Variants in NEK11 observed in about 807,000 individuals in gnomAD.
The protein encoded by NEK11 is NIMA related kinase 11.
Under a neutral mutation model 80.7 loss-of-function variants are expected in NEK11, and 72 were observed. The ratio of observed to expected loss-of-function variants is 0.89; its 90% CI spans 0.74 to 1.08. The LOEUF (loss-of-function observed/expected upper bound fraction) is 1.08, where lower values mean the gene tolerates loss of function less well. Among genes scored for constraint, NEK11 ranks in the 50% least tolerant of loss-of-function variants. NEK11 has a pLI of 0.00. For synonymous variants in NEK11, 251 were observed against 260.7 expected, an observed-to-expected ratio of 0.96 and a Z score of 0.36; for missense variants, 764 against 763.6, an observed-to-expected ratio of 1.00 and a Z score of -0.01.
intron 17 of NEK11, among the ~76,000 whole-genome samples, chr3:131,280,995 C>G (rs2096386836): frequency 6.6e-6 from 1 of 152,184 alleles, no homozygotes; most frequent in East Asian, 1.9e-4. Context: ...ATGTGAGCCC[C>G]AAGTACTATT....
intron 17 of NEK11, among the ~76,000 whole-genome samples, chr3:131,324,710 A>C (rs548909796): frequency 2.0e-5 from 3 of 152,280 alleles, no homozygotes; most frequent in African/African-American, 7.2e-5. Flanking sequence ...CAAGGGGCTT[A>C]TTTTTATGGT....
At chr3:131,166,648 C>G (rs532040189) in intron 12 of NEK11, among the ~76,000 whole-genome samples, 1 of 152,334 alleles carries the variant, frequency 6.6e-6, no homozygotes, top group East Asian at 1.9e-4. Flanking sequence ...TCCCACCCCT[C>G]TGACACACCA....
intron 17 of NEK11, among the ~76,000 whole-genome samples, chr3:131,313,165 A>G (rs995096518): frequency 6.6e-6 from 1 of 152,152 alleles, no homozygotes; most frequent in African/African-American, 2.4e-5. Context: ...CTCACTTTTT[A>G]CAGCTGCATA....
At chr3:131,345,337 C>T (rs2097346570) in intron 17 of NEK11, among the ~76,000 whole-genome samples, 1 of 152,150 alleles carries the variant, frequency 6.6e-6, no homozygotes, top group Non-Finnish European at 1.5e-5. Context: ...ACTCTTACAA[C>T]TTAACTGCAA....
At chr3:131,222,188 T>A (rs1227504234) in intron 14 of NEK11, among the ~76,000 whole-genome samples, 3 of 152,170 alleles carry the variant, frequency 2.0e-5, no homozygotes, top group African/African-American at 4.8e-5. Flanking sequence ...TAACCATAAA[T>A]AGACTTATTC....
intron 5 of NEK11, among the ~76,000 whole-genome samples, chr3:131,122,019 G>A (rs2082472217): frequency 6.6e-6 from 1 of 152,244 alleles, no homozygotes; most frequent in Non-Finnish European, 1.5e-5. Context: ...GATGAACCCG[G>A]TACCTCAGTT....
intron 3 of NEK11, among the ~76,000 whole-genome samples, chr3:131,050,888 T>G (rs534593934): frequency 3.3e-5 from 5 of 151,698 alleles, no homozygotes; most frequent in African/African-American, 1.2e-4. Context: ...ATAGTGGGCA[T>G]GGTGGCGCAT....
chr3:131,140,383 G>A (rs2149683542), intron 7 of NEK11, among the ~76,000 whole-genome samples: 1 of 152,258 alleles, frequency 6.6e-6, no homozygotes, highest in East Asian at 1.9e-4. Flanking sequence ...GCATCAGTTG[G>A]CCAGTGATGT....
At chr3:131,044,971 C>G (rs570916440) in intron 3 of NEK11, among the ~76,000 whole-genome samples, 2 of 152,310 alleles carry the variant, frequency 1.3e-5, no homozygotes, top group East Asian at 3.9e-4. Context: ...AAGAAACTCA[C>G]TCAAAACTGC....
chr3:131,334,779 A>G (rs1460433623), intron 17 of NEK11, among the ~76,000 whole-genome samples: 2 of 152,230 alleles, frequency 1.3e-5, no homozygotes, highest in Non-Finnish European at 2.9e-5. Flanking sequence ...CAAAATGATA[A>G]AGGGGATATC....
intron 14 of NEK11, among the ~76,000 whole-genome samples, chr3:131,193,372 G>A (rs1348590642): frequency 1.3e-5 from 2 of 152,126 alleles, no homozygotes; most frequent in Non-Finnish European, 2.9e-5. Context: ...GACTTCCTGA[G>A]TCTCAGAGAC....
At chr3:131,171,349 G>A (rs1436774684) in intron 14 of NEK11, among the ~76,000 whole-genome samples, 1 of 152,224 alleles carries the variant, frequency 6.6e-6, no homozygotes, top group African/African-American at 2.4e-5. Flanking sequence ...AGGGAGGCCT[G>A]TAGGATGGCT....
chr3:131,215,633 T>C (rs1247136085), intron 14 of NEK11, among the ~76,000 whole-genome samples: 1 of 152,180 alleles, frequency 6.6e-6, no homozygotes, highest in Non-Finnish European at 1.5e-5. Context: ...TCCTTTGATA[T>C]GGCACTCAGT....
At chr3:131,238,478 T>C (rs1191435842) in intron 15 of NEK11, among the ~76,000 whole-genome samples, 3 of 152,148 alleles carry the variant, frequency 2.0e-5, no homozygotes, top group African/African-American at 7.2e-5. Flanking sequence ...AGGTAGCCAA[T>C]TAGCCAGGAC....
chr3:131,334,776 A>T (rs191973796), intron 17 of NEK11, among the ~76,000 whole-genome samples: 1 of 152,368 alleles, frequency 6.6e-6, no homozygotes, highest in African/African-American at 2.4e-5. Context: ...ATACAAAATG[A>T]TAAAGGGGAT....
chr3:131,129,271 G>A (rs1341210530), intron 5 of NEK11, among the ~76,000 whole-genome samples: 1 of 151,988 alleles, frequency 6.6e-6, no homozygotes, highest in Admixed American at 6.6e-5. Context: ...AGCCAGGATG[G>A]TCTCGATCTC....
chr3:131,080,023 ATATGTGTG>A (rs1317682479), intron 3 of NEK11, among the ~76,000 whole-genome samples: 1 of 115,788 alleles, frequency 8.6e-6, no homozygotes, highest in Admixed American at 9.3e-5. Flanking sequence ...TTACATATAT[ATATGTGTG>A]TGTGTGTTTG....
chr3:131,269,307 C>A (rs1482248856), intron 16 of NEK11, among the ~76,000 whole-genome samples: 2 of 152,230 alleles, frequency 1.3e-5, no homozygotes, highest in African/African-American at 4.8e-5. Flanking sequence ...CCAGGTGCCA[C>A]TGGAGTATGA....
chr3:131,174,214 G>C (rs962114568), intron 14 of NEK11, among the ~76,000 whole-genome samples: 1 of 152,030 alleles, frequency 6.6e-6, no homozygotes, highest in Non-Finnish European at 1.5e-5. Flanking sequence ...GCAACCTTTG[G>C]GTTTGACAAA....
Sources: gnomAD v4.1 joint callset for allele counts (sites outside exome capture counted in the v4.1 genomes callset) on GRCh38, gnomAD v4.1.1 for gene constraint, MANE v1.5 for transcripts, NCBI Gene and HGNC (gene_info 2026-07-23, HGNC 2026-07-21) for gene names.